The following EPC1 variants were observed in gnomAD, a reference collection of about 807,000 sequenced individuals.
EPC1 encodes the protein enhancer of polycomb homolog 1.
A neutral mutation model predicts 98.4 loss-of-function variants in EPC1; 12 were observed. That is an observed-to-expected ratio of 0.12 (90% CI 0.08 to 0.20). The LOEUF (loss-of-function observed/expected upper bound fraction) is 0.20, where lower values mean the gene tolerates loss of function less well. Ranked by LOEUF, EPC1 falls within the 10% of genes least tolerant of loss-of-function variation. EPC1 has a pLI of 1.00. For missense variants in EPC1, 729 were observed against 990.5 expected, an observed-to-expected ratio of 0.74 and a Z score of 3.54; for synonymous variants, 357 against 363.9, an observed-to-expected ratio of 0.98 and a Z score of 0.21.
At chr10:32,300,815 C>G (rs1835479016) in intron 2 of EPC1, among the ~76,000 whole-genome samples, 1 of 152,062 alleles carries the variant, frequency 6.6e-6, no homozygotes, top group Non-Finnish European at 1.5e-5. Context: ...GCGGAAACCC[C>G]TGTGTCTTCA....
In EPC1 at chr10:32,285,002, A is replaced by G. The variant is rs761708417; in HGVS notation, c.1440T>C (p.His480=). ...GTGAGGAAAGCATTTCCAAATCCAG[A>G]TGGTGAAACACACTGTCATAGTCTG... ...AHSDYDSVFH[H]LDLEMLSSPQ... Residue 480 remains histidine, a synonymous_variant, in exon 10 of 14, where the codon CAT becomes CAC. Transcript: ENST00000319778. 10 of 1,614,246 alleles carry G rather than the reference A, an allele frequency of 6.2e-6. No individual in the cohort carries two copies. The highest frequency in any genetic ancestry group is 5.9e-6 in the Non-Finnish European group (7 of 1,180,042).
At chr10:32,318,895 T>C (rs1006174068) in intron 1 of EPC1, among the ~76,000 whole-genome samples, 4 of 151,860 alleles carry the variant, frequency 2.6e-5, no homozygotes, top group African/African-American at 4.8e-5. Context: ...CATCTTTGGG[T>C]CTTTATTTGC....
chr10:32,332,540 C>G (rs1040039565), intron 1 of EPC1, among the ~76,000 whole-genome samples: 2 of 152,110 alleles, frequency 1.3e-5, no homozygotes, highest in Non-Finnish European at 2.9e-5. Context: ...CACACTCTCT[C>G]GAGTCATTTG....
At chr10:32,299,121 C>T (rs1230538256) in intron 2 of EPC1, among the ~76,000 whole-genome samples, 1 of 152,132 alleles carries the variant, frequency 6.6e-6, no homozygotes, top group South Asian at 2.1e-4. Context: ...ATTATGCAGG[C>T]TCACTCTTTA....
intron 1 of EPC1, among the ~76,000 whole-genome samples, chr10:32,311,317 A>C (rs1836216895): frequency 6.6e-6 from 1 of 152,028 alleles, no homozygotes; most frequent in Non-Finnish European, 1.5e-5. Flanking sequence ...CGTCTCAAAA[A>C]AAAAAAAAAC....
Position 32,286,970 on chromosome 10 carries a change from C to T in EPC1, c.1198G>A (p.Gly400Ser), listed in dbSNP as rs1228478634. The T allele has an allele frequency of 6.2e-7, 1 of 1,613,848 alleles. No homozygotes were observed. The highest frequency in any genetic ancestry group is 8.5e-7 in the Non-Finnish European group (1 of 1,180,014). ...GCTTTCCTACGGAAAGCAAAAGGAC[C>T]ATCAGGATCATTGTCTTCCTCAGCT... ...SEAEEDNDPD[G>S]PFAFRRKAGC... The change falls in exon 8 of 14, where the codon GGT becomes AGT. Residue 400 changes from glycine (G) to serine (S), a missense_variant. Around this residue, in one of 6 missense-constraint regions of EPC1, gnomAD observed 390 missense variants for 438.6 expected, o/e 0.89. Transcript: ENST00000319778.
chr10:32,332,756 G>T (rs1194313317), intron 1 of EPC1, among the ~76,000 whole-genome samples: 1 of 152,216 alleles, frequency 6.6e-6, no homozygotes, highest in African/African-American at 2.4e-5. Flanking sequence ...GTTTTAAACT[G>T]CTACATTTAG....
chr10:32,338,527 C>T (rs538794486), intron 1 of EPC1, among the ~76,000 whole-genome samples: 31 of 152,282 alleles, frequency 2.0e-4, no homozygotes, highest in Admixed American at 1.9e-3. Context: ...ACAATCCCTT[C>T]CTGATCTGGA....
Position 32,346,993 on chromosome 10 carries a change from C to T in EPC1, c.-78G>A. On this transcript the variant is annotated 5_prime_UTR_variant, in exon 1 of 14. Coordinates refer to ENST00000319778, the MANE Select transcript of EPC1 (RefSeq NM_001272004.3). ...GATCATGGAGAACCGGGGGTTCGGT[C>T]CCCACTCGCCAACCGCTGCCGGGGA... 3 of 1,564,460 alleles carry T rather than the reference C, an allele frequency of 1.9e-6. No individual in the cohort carries two copies. Among genetic ancestry groups the T allele is most frequent in the Non-Finnish European group, 2.6e-6 (3 of 1,161,986 alleles).
chr10:32,373,974 G>T (rs970338872), intron 1 of EPC1, among the ~76,000 whole-genome samples: 1 of 152,034 alleles, frequency 6.6e-6, no homozygotes, highest in Non-Finnish European at 1.5e-5. Flanking sequence ...AGATTAATTG[G>T]CTGTATGACA....
intron 1 of EPC1, among the ~76,000 whole-genome samples, chr10:32,331,193 G>T (rs1837618988): frequency 6.6e-6 from 1 of 151,806 alleles, no homozygotes; most frequent in Non-Finnish European, 1.5e-5. Flanking sequence ...AAATGAAAAG[G>T]AAACTTTAAT....
intron 1 of EPC1, among the ~76,000 whole-genome samples, chr10:32,332,715 C>T (rs1382609818): frequency 6.6e-6 from 1 of 152,180 alleles, no homozygotes; most frequent in Non-Finnish European, 1.5e-5. Context: ...ATTCCTGATC[C>T]TCATAAACTG....
rs370942663 is a variant in EPC1, at chr10:32,371,063, GT to G, written c.3+7427del. 3.2e-3 allele frequency among the ~76,000 whole-genome samples: 489 copies of G among 152,246 alleles called. 2 individuals are homozygous for G. The highest frequency in any genetic ancestry group is 0.011 in the African/African-American group (447 of 41,528). On this transcript the variant is annotated intron_variant, in intron 1 of 13. Coordinates refer to the EPC1 transcript ENST00000375110. ...GATAGAAAGGACATGGAATTTGCTGGTTTTTTCCTCCCTCATTTAGGTTGGC... is the reference window on the plus strand; with the variant it reads ...GATAGAAAGGACATGGAATTTGCTGGTTTTTCCTCCCTCATTTAGGTTGGC...
At chr10:32,354,923 C>A (rs761619553) in intron 1 of EPC1, among the ~76,000 whole-genome samples, 33 of 152,166 alleles carry the variant, frequency 2.2e-4, no homozygotes, top group East Asian at 7.7e-4. Flanking sequence ...CCATCACTGT[C>A]CCCACATAGG....
intron 1 of EPC1, among the ~76,000 whole-genome samples, chr10:32,336,388 C>T (rs1178688058): frequency 1.3e-5 from 2 of 151,952 alleles, no homozygotes; most frequent in Non-Finnish European, 2.9e-5. Flanking sequence ...TTTTTAATGC[C>T]TTCATCCCTG....
Position 32,346,841 on chromosome 10 carries a change from C to A in EPC1, c.75G>T (p.Leu25=), listed in dbSNP as rs764035263. 9.9e-6 allele frequency: 16 copies of A among 1,614,074 alleles called. No individual in the cohort carries two copies. Among genetic ancestry groups the A allele is most frequent in the African/African-American group, 2.7e-5 (2 of 74,944 alleles). Residue 25 remains leucine, a synonymous_variant, in exon 1 of 14, where the codon CTG becomes CTT. Coordinates refer to ENST00000319778, the MANE Select transcript of EPC1 (RefSeq NM_001272004.3). ...KPLPVFRCED[L]PDLHEYASIN... ...TCGAGGCGTATTCGTGCAGGTCGGG[C>A]AGATCCTCACAGCGGAAAACCGGCA...
At chr10:32,339,289 C>T (rs1028650789) in intron 1 of EPC1, among the ~76,000 whole-genome samples, 2 of 152,224 alleles carry the variant, frequency 1.3e-5, no homozygotes, top group African/African-American at 4.8e-5. Context: ...CTGCATCTTA[C>T]AGTCAAGAAA....
At chr10:32,360,632 G>A (rs766670592) in intron 1 of EPC1, among the ~76,000 whole-genome samples, 8 of 152,162 alleles carry the variant, frequency 5.3e-5, no homozygotes, top group Non-Finnish European at 8.8e-5. Flanking sequence ...GGTGGTTCAT[G>A]CCTGTAATCC....
chr10:32,303,305 A>G (rs1403131145), intron 2 of EPC1, among the ~76,000 whole-genome samples: 3 of 152,214 alleles, frequency 2.0e-5, no homozygotes, highest in African/African-American at 7.2e-5. Context: ...TTGTCTCAAT[A>G]AACAAACAAA....
Sources: gnomAD v4.1 joint callset for allele counts (sites outside exome capture counted in the v4.1 genomes callset) on GRCh38, gnomAD v4.1.1 for gene constraint, gnomAD v4.1.1 regional missense constraint, MANE v1.5 for transcripts, NCBI Gene and HGNC (gene_info 2026-07-23, HGNC 2026-07-21) for gene names.